TMEM120B: variants seen among roughly 807,000 people sequenced by gnomAD.
TMEM120B encodes the protein transmembrane protein 120B.
In TMEM120B, 31 loss-of-function variants were observed where a neutral mutation model predicts 55.5. The ratio of observed to expected loss-of-function variants is 0.56; its 90% confidence interval spans 0.42 to 0.75. The LOEUF (loss-of-function observed/expected upper bound fraction) is 0.75. Ranked by LOEUF, TMEM120B falls within the 30% of genes least tolerant of loss-of-function variation. The pLI is 0.00. For synonymous variants in TMEM120B, 203 were observed against 176.3 expected (o/e 1.15, Z -1.20); for missense variants, 399 against 425.5 (o/e 0.94, Z 0.55).
rs757612499 is a variant in TMEM120B, at chr12:121,758,198, ACT to A, written c.462-3445_462-3444del. The A allele has an allele frequency of 7.1e-6, 7 of 985,132 alleles. No homozygotes were observed. The African/African-American group carries it at 1.0e-4, about 15-fold the overall frequency. 61.0% of individuals were successfully genotyped at this position (985,132 alleles called of 1,614,324 possible). Reference sequence around the variant, plus strand: ...GCCCTCAGAGGGGCGTCTGTCACTGACTCTCTCACAGAGTTCTTTTCCCTGGG... The same window carrying A: ...GCCCTCAGAGGGGCGTCTGTCACTGACTCTCACAGAGTTCTTTTCCCTGGG... On this transcript the variant is annotated intron_variant, in intron 5 of 11. Transcript: ENST00000449592.
chr12:121,775,083 G>C lies in TMEM120B; in HGVS notation c.859G>C (p.Val287Leu). The C allele has an allele frequency of 6.3e-7, 1 of 1,598,394 alleles. No homozygotes were observed. The highest frequency in any genetic ancestry group is 8.5e-7 in the Non-Finnish European group (1 of 1,171,738). ...CCAGTTCTGGCAGCTCTACAATGCC[G>C]TCACGCTGTTTGAGCTCTCCAGCCA... is the stretch of plus-strand genomic sequence containing the variant. ...CGHFWQLYNA[V>L]TLFELSSHEE... Residue 287 changes from valine (V) to leucine (L), a missense_variant, in exon 11 of 12, where the codon GTC (valine) becomes CTC (leucine). Transcript: ENST00000449592. The surrounding 1 kb of genome is among the most constrained non-coding windows in gnomAD (Gnocchi z 4.3).
At position 121,770,987 on chromosome 12, in the gene TMEM120B, G is replaced by T. The variant is rs536549611; in HGVS notation, c.617+15G>T. On this transcript the variant is annotated intron_variant, in intron 7 of 11. Coordinates refer to ENST00000449592, the MANE Select transcript of TMEM120B (RefSeq NM_001080825.2). ...ATGCTGACCTGGTGAGTAGCCCCTC[G>T]CTGGGCCCCTCCAGCCTCCCAGGGA... The T allele has an allele frequency of 5.6e-6, 9 of 1,612,926 alleles. No individual in the cohort carries two copies. In the African/African-American group the frequency reaches 8.0e-5, roughly 14 times the overall value.
rs74939779 is a variant in TMEM120B at position 121,776,327 on chromosome 12, C to T, written c.*605C>T. The T allele has an allele frequency of 0.011, 1,815 of 160,522 alleles. 33 individuals are homozygous for T. The highest frequency in any genetic ancestry group is 0.042 in the African/African-American group (1,738 of 41,866). The allele number at this position is 160,522 out of a possible 1,614,324, so 9.9% of individuals were successfully genotyped here. On this transcript the variant is annotated 3_prime_UTR_variant, in exon 12 of 12. Coordinates refer to ENST00000449592, the MANE Select transcript of TMEM120B (RefSeq NM_001080825.2). ...CTGAGTCAGGCTGTGAGAAGATTCG[C>T]CACCAGAGGGCGCCCCGGGCCCTGG... is the stretch of plus-strand genomic sequence containing the variant.
At chr12:121,729,650 A>G (rs974929750) in intron 1 of TMEM120B, among the ~76,000 whole-genome samples, 6 of 151,808 alleles carry the variant, frequency 4.0e-5, no homozygotes, top group African/African-American at 1.5e-4. Flanking sequence ...AAAAAAAAAA[A>G]AAAGCTGACA....
chr12:121,761,588 TG>T, intron 5 of TMEM120B, 60 bp from the exon 6 acceptor site: 2 of 1,284,848 alleles, frequency 1.6e-6, no homozygotes, highest in Non-Finnish European at 2.3e-6. Context: ...GAGGTGAGGG[TG>T]GGATGGCTGT....
intron 3 of TMEM120B, among the ~76,000 whole-genome samples, chr12:121,749,854 C>T (rs1213933212): frequency 6.6e-6 from 1 of 151,092 alleles, no homozygotes; most frequent in East Asian, 1.9e-4. Flanking sequence ...TATAGCGAGT[C>T]CTGATCGTGC....
In TMEM120B at chr12:121,778,725, G is replaced by C. The variant is rs1874331701; in HGVS notation, c.*3003G>C. On this transcript the variant is annotated 3_prime_UTR_variant, in exon 12 of 12. Transcript: ENST00000449592. ...GGGCCAGTCCTGTCCTACCACAGTG[G>C]GGGGAACAGTCCACAGAAAACTTGC... 6.6e-6 allele frequency: 1 copy of C among 152,260 alleles called. No homozygotes were observed. Among genetic ancestry groups the C allele is most frequent in the African/African-American group, 2.4e-5 (1 of 41,456 alleles). 9.4% of individuals were successfully genotyped at this position (152,260 alleles called of 1,614,324 possible).
Position 121,775,117 on chromosome 12 carries a change from G to A in TMEM120B, c.893G>A (p.Cys298Tyr). ...TTTGAGCTCTCCAGCCACGAGGAAT[G>A]CAGAGAATGGCAGGTATGGGGGGTG... Reference protein sequence around the residue: ...TLFELSSHEECREWQVFVLAF... With the variant: ...TLFELSSHEEYREWQVFVLAF... The change falls in exon 11 of 12, where the codon TGC becomes TAC. Residue 298 changes from cysteine to tyrosine, a missense_variant. Around this residue, in one of 3 missense-constraint regions of TMEM120B, gnomAD observed 260 missense variants for 303.9 expected, o/e 0.86. Transcript: ENST00000449592. The surrounding 1 kb of genome is among the most constrained non-coding windows in gnomAD (Gnocchi z 4.3). The A allele has an allele frequency of 1.5e-6, 2 of 1,369,240 alleles. No individual in the cohort carries two copies. The highest frequency in any genetic ancestry group is 1.5e-5 in the African/African-American group (1 of 65,796). The allele number at this position is 1,369,240 out of a possible 1,614,324, so 84.8% of individuals were successfully genotyped here. A position where few individuals can be genotyped will look rare whatever the true frequency, so the allele number is the denominator to read the frequency against.
chr12:121,771,053 G>C (rs1874030214), intron 7 of TMEM120B, 81 bp downstream of exon 7: 14 of 1,471,272 alleles, frequency 9.5e-6, no homozygotes, highest in Non-Finnish European at 1.9e-6. Context: ...GGCTGATCCA[G>C]ACAGCGGTGG....
chr12:121,775,267 G>A lies in TMEM120B; in HGVS notation c.906+137G>A, dbSNP rs1206309578. 1.8e-5 allele frequency: 20 copies of A among 1,086,688 alleles called. No individual in the cohort carries two copies. The highest frequency in any genetic ancestry group is 1.4e-4 in the East Asian group (5 of 36,790). 67.3% of individuals were successfully genotyped at this position (1,086,688 alleles called of 1,614,324 possible). A position where few individuals can be genotyped will look rare whatever the true frequency, so the allele number is the denominator to read the frequency against. ...GCAGATGTGGGGGTGGGGTGTGTGC[G>A]TGTGTGTGGTGTGCTGTGGGGAGGT... On this transcript the variant is annotated intron_variant, in intron 11 of 11. Coordinates refer to ENST00000449592, the MANE Select transcript of TMEM120B (RefSeq NM_001080825.2). This position sits in a 1 kb window ranked among gnomAD's most constrained non-coding sequence, Gnocchi z 4.3.
At chr12:121,721,670 A>G (rs901761051) in intron 1 of TMEM120B, among the ~76,000 whole-genome samples, 2 of 149,984 alleles carry the variant, frequency 1.3e-5, no homozygotes, top group Non-Finnish European at 3.0e-5. Context: ...GGGTTTCACC[A>G]TGTTGGCCAA....
intron 8 of TMEM120B, among the ~76,000 whole-genome samples, chr12:121,772,868 T>G (rs1273024727): frequency 6.6e-6 from 1 of 152,252 alleles, no homozygotes; most frequent in African/African-American, 2.4e-5. Context: ...TCTCAAAAGT[T>G]TTTATTCATA....
At chr12:121,752,614 A>G (rs1416508160) in intron 5 of TMEM120B, among the ~76,000 whole-genome samples, 2 of 152,072 alleles carry the variant, frequency 1.3e-5, no homozygotes, top group African/African-American at 2.4e-5. Flanking sequence ...TTAGCCAGGC[A>G]TGGTGGAGTA....
Position 121,775,115 on chromosome 12 carries a change from A to G in TMEM120B, c.891A>G (p.Glu297=), listed in dbSNP as rs531009816. 33 of 1,327,086 alleles carry G rather than the reference A, an allele frequency of 2.5e-5. No homozygotes were observed. The highest frequency in any genetic ancestry group is 4.6e-4 in the Middle Eastern group (2 of 4,304). The allele number at this position is 1,327,086 out of a possible 1,614,324, so 82.2% of individuals were successfully genotyped here. A position where few individuals can be genotyped will look rare whatever the true frequency, so the allele number is the denominator to read the frequency against. The change falls in exon 11 of 12, where the codon GAA becomes GAG. Residue 297 remains glutamate, a synonymous_variant. Transcript: ENST00000449592. The surrounding 1 kb of genome is among the most constrained non-coding windows in gnomAD (Gnocchi z 4.3). ...TGTTTGAGCTCTCCAGCCACGAGGAATGCAGAGAATGGCAGGTATGGGGGG... is the reference window on the plus strand; with the variant it reads ...TGTTTGAGCTCTCCAGCCACGAGGAGTGCAGAGAATGGCAGGTATGGGGGG... ...VTLFELSSHE[E]CREWQVFVLA... is the part of the protein sequence containing the mutation.
At chr12:121,748,631 G>A (rs529984322) in intron 3 of TMEM120B, among the ~76,000 whole-genome samples, 189 bp downstream of exon 3, 3 of 152,202 alleles carry the variant, frequency 2.0e-5, no homozygotes, top group South Asian at 2.1e-4. Flanking sequence ...TAGCCACACC[G>A]TGTGACAGCA....
At chr12:121,744,248 C>G (rs1455787175) in intron 2 of TMEM120B, among the ~76,000 whole-genome samples, 2 of 152,114 alleles carry the variant, frequency 1.3e-5, no homozygotes, top group Non-Finnish European at 2.9e-5. Flanking sequence ...CCCAGTACTT[C>G]AGCCGACATT....
intron 1 of TMEM120B, among the ~76,000 whole-genome samples, chr12:121,733,528 G>A (rs1438616539): frequency 6.9e-6 from 1 of 145,410 alleles, no homozygotes; most frequent in Non-Finnish European, 1.5e-5. Flanking sequence ...ATAGGCGTGA[G>A]CCACCGTGCC....
intron 8 of TMEM120B, among the ~76,000 whole-genome samples, chr12:121,772,379 C>G (rs377559368): frequency 4.0e-5 from 6 of 151,898 alleles, no homozygotes; most frequent in Non-Finnish European, 7.4e-5. Flanking sequence ...GTCCACCCAC[C>G]TCTGCCACCC....
intron 1 of TMEM120B, among the ~76,000 whole-genome samples, chr12:121,728,346 G>A (rs903997313): frequency 1.3e-5 from 2 of 151,684 alleles, no homozygotes; most frequent in East Asian, 2.0e-4. Flanking sequence ...AAAATTAGCC[G>A]GGCATGGTGG....
Sources: allele counts gnomAD v4.1 joint callset (sites outside exome capture counted in the v4.1 genomes callset), GRCh38; gene constraint gnomAD v4.1.1; regional missense constraint gnomAD v4.1.1; non-coding constraint Gnocchi (gnomAD v3.1); transcripts MANE v1.5; gene names NCBI Gene and HGNC (gene_info 2026-07-23, HGNC 2026-07-21).